DPPA4: variants seen among roughly 807,000 people sequenced by gnomAD.
The protein encoded by DPPA4 is developmental pluripotency associated 4, also known as developmental pluripotency-associated protein 4.
DPPA4 carries 22 observed loss-of-function variants against 33.7 expected under a neutral mutation model. The ratio of observed to expected loss-of-function variants is 0.65; its 90% CI spans 0.47 to 0.93. The LOEUF (loss-of-function observed/expected upper bound fraction) is 0.93, where lower values mean the gene tolerates loss of function less well. DPPA4 is among the 40% of genes least tolerant of loss of function. The pLI is 0.00. For synonymous variants in DPPA4, 156 were observed against 132.3 expected, an observed-to-expected ratio of 1.18 and a Z score of -1.23; for missense variants, 340 against 358.6, an observed-to-expected ratio of 0.95 and a Z score of 0.42.
At chr3:109,328,772 T>G (rs1707989487) in intron 6 of DPPA4, 118 bp downstream of exon 6, 1 of 953,262 alleles carries the variant, frequency 1.0e-6, no homozygotes, top group Admixed American at 2.9e-5. Context: ...CTTGAAACTC[T>G]TTACTGACAA....
chr3:109,331,457 T>A (rs1311591303), intron 4 of DPPA4, among the ~76,000 whole-genome samples: 1 of 144,238 alleles, frequency 6.9e-6, no homozygotes, highest in South Asian at 2.2e-4. Flanking sequence ...GGCAGGAGAA[T>A]TGCTTGAACC....
rs10593582 is a variant in DPPA4, at chr3:109,331,260, CAAAAAAAAA to C, written c.391-457_391-449del. Among the ~76,000 whole-genome samples, 6 of 58,392 alleles carry C rather than the reference CAAAAAAAAA, an allele frequency of 1.0e-4. No homozygotes were observed. In the Admixed American group the frequency reaches 1.6e-3, roughly 15 times the overall value. The allele number at this position is 58,392 out of a possible 152,430, so 38.3% of individuals were successfully genotyped here. On this transcript the variant is annotated intron_variant, in intron 4 of 6. Transcript: ENST00000335658. The stretch of plus-strand genomic sequence containing the variant: ...TAAGTGACAGAGGGAGACTCTGTCT[CAAAAAAAAA>C]AAAAAAAAAAAAAAAGAAAGAAAAG...
intron 5 of DPPA4, 40 bp downstream of exon 5, chr3:109,330,484 T>TC (rs1708043894): frequency 6.2e-7 from 1 of 1,607,884 alleles, no homozygotes; most frequent in Non-Finnish European, 8.5e-7. Flanking sequence ...TAAGCTTATT[T>TC]CCCCATTGGA....
At chr3:109,332,226 TGAGTAGCTGG>T in intron 2 of DPPA4, 195 bp from the exon 3 acceptor site, 1 of 386,226 alleles carries the variant, frequency 2.6e-6, no homozygotes, top group African/African-American at 2.0e-5. Flanking sequence ...CTCAGCCTCC[TGAGTAGCTGG>T]GATTACAGAC....
chr3:109,331,823 G>T (rs750277627), intron 3 of DPPA4, 39 bp from the exon 4 acceptor site: 57 of 1,613,382 alleles, frequency 3.5e-5, no homozygotes, highest in Non-Finnish European at 4.7e-5. Flanking sequence ...GGCAAATAAG[G>T]TTCCTACCCT....
At chr3:109,332,062 AT>A in intron 2 of DPPA4, 31 bp from the exon 3 acceptor site, 2 of 1,523,120 alleles carry the variant, frequency 1.3e-6, no homozygotes, top group South Asian at 2.5e-5. Context: ...ATGAGTAGTA[AT>A]TATCTTTGTG....
At chr3:109,333,266 C>T (rs551393518) in intron 2 of DPPA4, 22 of 145,708 alleles carry the variant, frequency 1.5e-4, no homozygotes, top group African/African-American at 4.6e-4. Flanking sequence ...TGCTTGAACT[C>T]GGGAGGCACA....
intron 6 of DPPA4, among the ~76,000 whole-genome samples, chr3:109,328,547 G>C (rs865827121): frequency 7.2e-5 from 11 of 152,218 alleles, no homozygotes; most frequent in Middle Eastern, 3.4e-3. Flanking sequence ...TATTCTAGGT[G>C]TTTACATGCC....
In DPPA4 at chr3:109,333,928, A is replaced by T; in HGVS notation, c.120T>A (p.Ala40=). 6.2e-7 allele frequency: 1 copy of T among 1,614,094 alleles called. No homozygotes were observed. The highest frequency in any genetic ancestry group is 8.5e-7 in the Non-Finnish European group (1 of 1,180,010). Residue 40 remains alanine (A), a synonymous_variant, in exon 2 of 7, where the codon GCT becomes GCA. Coordinates refer to ENST00000335658, the MANE Select transcript of DPPA4 (RefSeq NM_018189.4). ...TTCTCTTTGCTGATGTTCCTGGCAA[A>T]GCAATTGAATTTGGTTGATTAGAAG... is the stretch of plus-strand genomic sequence containing the variant. ...QQASNQPNSI[A]LPGTSAKRTK...
rs773809552 is a variant in DPPA4, at chr3:109,331,915, G to C, written c.295C>G (p.Leu99Val). Residue 99 changes from leucine to valine, a missense_variant, in exon 3 of 7, where the codon CTG becomes GTG. Physicochemically the swap from Leu to Val is conservative, Grantham distance 32. Coordinates refer to ENST00000335658, the MANE Select transcript of DPPA4 (RefSeq NM_018189.4). ...PPVNLIHRDI[L>V]RAWCQQLKLS... ...TTCAATTGTTGGCACCAGGCCCGCA[G>C]AATGTCCCGGTGAATCAGATTAACA... The C allele has an allele frequency of 6.2e-7, 1 of 1,614,146 alleles. No homozygotes were observed. Among genetic ancestry groups the C allele is most frequent in the Non-Finnish European group, 8.5e-7 (1 of 1,180,028 alleles).
intron 1 of DPPA4, among the ~76,000 whole-genome samples, chr3:109,336,166 A>G (rs1708207152): frequency 6.6e-6 from 1 of 152,028 alleles, no homozygotes; most frequent in Admixed American, 6.5e-5. Flanking sequence ...AAAAATTAAT[A>G]TAATAAAATT....
In DPPA4 at chr3:109,327,882, A is replaced by C. The variant is rs553793160; in HGVS notation, c.*106T>G. On this transcript the variant is annotated 3_prime_UTR_variant, in exon 7 of 7. Transcript: ENST00000335658. ...CACCCCACCAGTCTGCATGGCCCAT[A>C]AACAGGTGCAGAGGACCAGAGTTCA... 15 of 833,082 alleles carry C rather than the reference A, an allele frequency of 1.8e-5. No individual in the cohort carries two copies. Among genetic ancestry groups the C allele is most frequent in the African/African-American group, 5.1e-5 (3 of 58,694 alleles). The allele number at this position is 833,082 out of a possible 1,614,324, so 51.6% of individuals were successfully genotyped here.
At position 109,326,771 on chromosome 3, in the gene DPPA4, A is replaced by T. The variant is rs1286330175; in HGVS notation, c.*1217T>A. ...ATGTGCAGCTTTTTGTATGTGAATC[A>T]TACCTAAGTAGTTTTAAAAACAAAT... On this transcript the variant is annotated 3_prime_UTR_variant, in exon 7 of 7. Coordinates refer to ENST00000335658, the MANE Select transcript of DPPA4 (RefSeq NM_018189.4). 2.6e-5 allele frequency: 4 copies of T among 152,222 alleles called. No homozygotes were observed. Among genetic ancestry groups the T allele is most frequent in the African/African-American group, 7.2e-5 (3 of 41,456 alleles). The allele number at this position is 152,222 out of a possible 1,614,324, so 9.4% of individuals were successfully genotyped here.
chr3:109,333,658 C>G (rs1708131730), intron 2 of DPPA4: 2 of 391,660 alleles, frequency 5.1e-6, no homozygotes, highest in Non-Finnish European at 9.0e-6. Context: ...ACCAAATATG[C>G]TGTGGAAGTC....
At chr3:109,337,427 G>T in intron 1 of DPPA4, 37 bp downstream of exon 1, 1 of 1,599,702 alleles carries the variant, frequency 6.3e-7, no homozygotes, top group Non-Finnish European at 8.6e-7. Context: ...GAAACACAAA[G>T]ACAGACAGAA....
Position 109,333,945 on chromosome 3 carries a change from G to A in DPPA4, c.103C>T (p.Gln35Ter). 6.2e-7 allele frequency: 1 copy of A among 1,614,128 alleles called. No homozygotes were observed. The highest frequency in any genetic ancestry group is 8.5e-7 in the Non-Finnish European group (1 of 1,180,014). Residue 35 changes from glutamine (Q) to a stop codon, truncating the protein, a stop_gained, in exon 2 of 7, where the codon CAA (glutamine) becomes TAA (stop). Transcript: ENST00000335658. LOFTEE classifies it high-confidence loss of function. ...CCTGGCAAAGCAATTGAATTTGGTTGATTAGAAGCCTGCTGATCCTCTTCC... is the reference window on the plus strand; with the variant it reads ...CCTGGCAAAGCAATTGAATTTGGTTAATTAGAAGCCTGCTGATCCTCTTCC... ...SREEDQQASN[Q>*]PNSIALPGTS...
rs1170639322 is a variant in DPPA4, at chr3:109,330,584, C to G, written c.619G>C (p.Ala207Pro). Residue 207 changes from alanine (A) to proline (P), a missense_variant, in exon 5 of 7, where the codon GCG becomes CCG. By Grantham distance (27) the Ala-to-Pro change is conservative. Coordinates refer to ENST00000335658, the MANE Select transcript of DPPA4 (RefSeq NM_018189.4). ...GTCCTCGCCCTGGCTGAAATTCTCGCCCAGGAGGCCAGCAAAGCCTCTGGG... is the reference window on the plus strand; with the variant it reads ...GTCCTCGCCCTGGCTGAAATTCTCGGCCAGGAGGCCAGCAAAGCCTCTGGG... ...SAPEALLASW[A>P]RISARARTPE... 2 of 1,614,154 alleles carry G rather than the reference C, an allele frequency of 1.2e-6. No individual in the cohort carries two copies. Among genetic ancestry groups the G allele is most frequent in the South Asian group, 2.2e-5 (2 of 91,084 alleles).
intron 1 of DPPA4, 81 bp downstream of exon 1, chr3:109,337,383 T>C (rs184148546): frequency 4.8e-5 from 65 of 1,352,970 alleles, no homozygotes; most frequent in Non-Finnish European, 6.4e-5. Flanking sequence ...TCTTTTCTCC[T>C]TAAAGGAAAA....
upstream of DPPA4, among the ~76,000 whole-genome samples, chr3:109,339,085 G>A (rs1319365375): frequency 6.6e-6 from 1 of 151,946 alleles, no homozygotes; most frequent in Non-Finnish European, 1.5e-5. Flanking sequence ...CAGCTACCAA[G>A]GAGGTTGAGG....
Sources: gnomAD v4.1 joint callset for allele counts (sites outside exome capture counted in the v4.1 genomes callset) on GRCh38, gnomAD v4.1.1 for gene constraint, MANE v1.5 for transcripts, NCBI Gene and HGNC (gene_info 2026-07-23, HGNC 2026-07-21) for gene names.